The following CNIH3 variants were observed in gnomAD, a reference collection of about 807,000 sequenced individuals.
The protein encoded by CNIH3 is protein cornichon homolog 3.
In CNIH3, 14 loss-of-function variants were observed where a neutral mutation model predicts 24.1. The ratio of observed to expected loss-of-function variants is 0.58; its 90% CI spans 0.38 to 0.91. The LOEUF is 0.91. Among genes scored for constraint, CNIH3 ranks in the 40% least tolerant of loss-of-function variants. CNIH3 has a pLI of 0.00. For missense variants in CNIH3, 178 were observed against 196.8 expected, an observed-to-expected ratio of 0.90 and a Z score of 0.57; for synonymous variants, 68 against 73.8, an observed-to-expected ratio of 0.92 and a Z score of 0.40.
intron 4 of CNIH3, among the ~76,000 whole-genome samples, chr1:224,581,271 T>C (rs1032080887): frequency 1.3e-5 from 2 of 152,136 alleles, no homozygotes; most frequent in Non-Finnish European, 1.5e-5. Flanking sequence ...TTTGGAGAGA[T>C]TGGAGGCTGA....
At chr1:224,625,193 C>T (rs1164402570) in intron 1 of CNIH3, among the ~76,000 whole-genome samples, 2 of 152,180 alleles carry the variant, frequency 1.3e-5, no homozygotes, top group Non-Finnish European at 2.9e-5. Flanking sequence ...TGATAGACTC[C>T]TCCTCAATGA....
chr1:224,457,271 CTCTCTGTGTG>C (rs1320516530), intron 1 of CNIH3, among the ~76,000 whole-genome samples: 29,735 of 82,150 alleles, frequency 0.36, 3,189 homozygotes, highest in East Asian at 0.47. Flanking sequence ...CCTCCTCTCT[CTCTCTGTGTG>C]TGTGTGTGTG....
intron 3 of CNIH3, among the ~76,000 whole-genome samples, chr1:224,560,006 C>T (rs1680298547): frequency 6.6e-6 from 1 of 152,082 alleles, no homozygotes; most frequent in Admixed American, 6.5e-5. Context: ...TTTATATAAT[C>T]ATAGAATATG....
intron 1 of CNIH3, among the ~76,000 whole-genome samples, chr1:224,448,586 C>A (rs1675258091): frequency 6.6e-6 from 1 of 152,148 alleles, no homozygotes; most frequent in Admixed American, 6.5e-5. Context: ...ACAGGCACAT[C>A]TATATTTAGA....
intron 4 of CNIH3, among the ~76,000 whole-genome samples, chr1:224,580,825 AG>A (rs1321975854): frequency 1.3e-5 from 2 of 151,282 alleles, no homozygotes; most frequent in Non-Finnish European, 2.9e-5. Context: ...AAAGAAAAGG[AG>A]GGGTAGAGGG....
intron 1 of CNIH3, among the ~76,000 whole-genome samples, chr1:224,674,395 A>T (rs955987236): frequency 2.7e-5 from 4 of 147,142 alleles, no homozygotes; most frequent in African/African-American, 1.0e-4. Flanking sequence ...AATTCTGTGG[A>T]CCCAAAGACA....
At chr1:224,615,546 T>C (rs887719678), upstream of CNIH3, 1 of 152,210 alleles carries the variant, frequency 6.6e-6, no homozygotes, top group Non-Finnish European at 1.5e-5. Flanking sequence ...CTCTTATTTA[T>C]GTTTTTCTGA....
At position 224,442,055 on chromosome 1, in the gene CNIH3, A is replaced by G. The variant is rs542713333; in HGVS notation, n.203+7193A>G. Among the ~76,000 whole-genome samples, 17 of 120,838 alleles carry G rather than the reference A, an allele frequency of 1.4e-4. No homozygotes were observed. The South Asian group carries it at 4.2e-3, about 30-fold the overall frequency. The allele number at this position is 120,838 out of a possible 152,430, so 79.3% of individuals were successfully genotyped here. On this transcript the variant is annotated intron_variant and non_coding_transcript_variant, in intron 1 of 5. Transcript: ENST00000471578. ...TTTTTTTGAGACAGGGTCTTCCTTC[A>G]TTGCTCAGGCAGGAGTGCAGTGGCA...
At chr1:224,714,590 G>A (rs908268126) in intron 3 of CNIH3, among the ~76,000 whole-genome samples, 1 of 152,220 alleles carries the variant, frequency 6.6e-6, no homozygotes, top group Non-Finnish European at 1.5e-5. Flanking sequence ...CTGTGCCGTG[G>A]TTTGAGGTGA....
chr1:224,567,015 C>T (rs563136433), intron 4 of CNIH3, among the ~76,000 whole-genome samples: 11 of 152,344 alleles, frequency 7.2e-5, no homozygotes, highest in African/African-American at 2.6e-4. Context: ...TTCTCCACAT[C>T]CTCTCCAGCA....
intron 1 of CNIH3, among the ~76,000 whole-genome samples, chr1:224,483,641 G>T (rs978720128): frequency 6.6e-6 from 1 of 150,792 alleles, no homozygotes; most frequent in East Asian, 2.0e-4. Flanking sequence ...CAAGTGATCC[G>T]CCCACCTTGG....
intron 1 of CNIH3, among the ~76,000 whole-genome samples, chr1:224,488,465 T>TGGG (rs200373724): frequency 4.5e-5 from 1 of 22,298 alleles, no homozygotes; most frequent in African/African-American, 5.0e-5. Flanking sequence ...TAATTTTTTT[T>TGGG]TGGGGGGTGG....
intron 1 of CNIH3, among the ~76,000 whole-genome samples, chr1:224,471,474 T>C (rs1331982528): frequency 2.0e-5 from 3 of 152,224 alleles, no homozygotes; most frequent in Non-Finnish European, 2.9e-5. Context: ...TTTTAATCTT[T>C]AGCTCCTACA....
intron 4 of CNIH3, among the ~76,000 whole-genome samples, chr1:224,731,664 T>A (rs968213356): frequency 2.6e-5 from 4 of 152,248 alleles, no homozygotes; most frequent in African/African-American, 7.2e-5. Context: ...AGCAAAACCT[T>A]TACCCTTAAG....
chr1:224,570,181 C>A (rs892471580), intron 4 of CNIH3, among the ~76,000 whole-genome samples: 1 of 152,144 alleles, frequency 6.6e-6, no homozygotes, highest in East Asian at 1.9e-4. Context: ...ATTTCAATTT[C>A]TATTTTAGAT....
At chr1:224,509,301 G>A (rs1163380196) in intron 1 of CNIH3, among the ~76,000 whole-genome samples, 2 of 152,202 alleles carry the variant, frequency 1.3e-5, no homozygotes, top group African/African-American at 4.8e-5. Flanking sequence ...TCCAGCCTGG[G>A]TGAGAGAGTG....
intron 1 of CNIH3, among the ~76,000 whole-genome samples, chr1:224,497,054 G>A (rs1677467281): frequency 6.6e-6 from 1 of 152,218 alleles, no homozygotes; most frequent in Non-Finnish European, 1.5e-5. Context: ...AAAAAGGAAT[G>A]AAGTACTATT....
chr1:224,485,329 C>A (rs1676984987), intron 1 of CNIH3, among the ~76,000 whole-genome samples: 1 of 152,198 alleles, frequency 6.6e-6, no homozygotes, highest in South Asian at 2.1e-4. Flanking sequence ...AACACTACAA[C>A]TACTGACCAA....
intron 3 of CNIH3, among the ~76,000 whole-genome samples, chr1:224,719,410 T>C (rs1465692319): frequency 6.6e-6 from 1 of 152,176 alleles, no homozygotes; most frequent in Admixed American, 6.5e-5. Context: ...AATTTGCAAG[T>C]ACTAGAGAGT....
Sources: gnomAD v4.1 joint callset for allele counts (sites outside exome capture counted in the v4.1 genomes callset) on GRCh38, gnomAD v4.1.1 for gene constraint, MANE v1.5 for transcripts, NCBI Gene and HGNC (gene_info 2026-07-23, HGNC 2026-07-21) for gene names.